PALM2AKAP2: variants seen among roughly 807,000 people sequenced by gnomAD.
The protein encoded by PALM2AKAP2 is PALM2 and AKAP2 fusion, also known as PALM2-AKAP2 fusion protein.
PALM2AKAP2 carries 37 observed loss-of-function variants against 71.5 expected under a neutral mutation model. That is an observed-to-expected ratio of 0.52 (90% CI 0.40 to 0.68). The LOEUF is 0.68. PALM2AKAP2 is among the 30% of genes least tolerant of loss of function. PALM2AKAP2 has a pLI of 0.00. For synonymous variants in PALM2AKAP2, 468 were observed against 478.8 expected, an observed-to-expected ratio of 0.98 and a Z score of 0.29; for missense variants, 1,224 against 1,191.8, an observed-to-expected ratio of 1.03 and a Z score of -0.40.
At chr9:109,857,596 C>A (rs186999452) in intron 1 of PALM2AKAP2, among the ~76,000 whole-genome samples, 356 of 152,274 alleles carry the variant, frequency 2.3e-3, no homozygotes, top group African/African-American at 8.1e-3. Context: ...TTTCATGTGT[C>A]CAGAGTGGAA....
chr9:110,048,156 G>A (rs1224839857), upstream of PALM2AKAP2, among the ~76,000 whole-genome samples: 1 of 152,168 alleles, frequency 6.6e-6, no homozygotes, highest in Non-Finnish European at 1.5e-5. Context: ...GACGCACTTC[G>A]CAACCAGTTC....
At chr9:110,060,573 G>A (rs1359181287) in intron 1 of PALM2AKAP2, among the ~76,000 whole-genome samples, 2 of 151,994 alleles carry the variant, frequency 1.3e-5, no homozygotes, top group Admixed American at 1.3e-4. Flanking sequence ...ACTCTCATGA[G>A]GAAAGAGGGT....
At chr9:109,658,567 C>T (rs1382007906) in intron 1 of PALM2AKAP2, among the ~76,000 whole-genome samples, 1 of 152,138 alleles carries the variant, frequency 6.6e-6, no homozygotes, top group Non-Finnish European at 1.5e-5. Context: ...CACTTACATA[C>T]TGCTGATAAA....
chr9:109,796,046 G>A (rs1006339820), intron 1 of PALM2AKAP2, among the ~76,000 whole-genome samples: 2 of 152,108 alleles, frequency 1.3e-5, no homozygotes, highest in African/African-American at 4.8e-5. Context: ...TCTACTCTCC[G>A]CCTGTCACAA....
intron 6 of PALM2AKAP2, among the ~76,000 whole-genome samples, chr9:109,956,384 C>T (rs753097383): frequency 1.4e-4 from 22 of 152,170 alleles, no homozygotes; most frequent in African/African-American, 3.1e-4. Context: ...ATTAAAAACA[C>T]GAGCTGTGGG....
At chr9:109,851,219 A>C (rs1278071364) in intron 1 of PALM2AKAP2, among the ~76,000 whole-genome samples, 8 of 148,982 alleles carry the variant, frequency 5.4e-5, no homozygotes, top group South Asian at 2.1e-4. Flanking sequence ...CAAAAAAAAA[A>C]AAACACTACC....
At chr9:109,659,252 C>A (rs1259039313) in intron 1 of PALM2AKAP2, among the ~76,000 whole-genome samples, 2 of 152,124 alleles carry the variant, frequency 1.3e-5, no homozygotes, top group East Asian at 3.8e-4. Context: ...ACAATGAATC[C>A]ATTTATAAAG....
intron 2 of PALM2AKAP2, among the ~76,000 whole-genome samples, chr9:110,139,584 G>A (rs7021638): frequency 0.75 from 114,539 of 152,116 alleles, 43,269 homozygotes; most frequent in East Asian, 0.97. Flanking sequence ...TTTAAGAATC[G>A]TTACCCTAAA....
intron 1 of PALM2AKAP2, among the ~76,000 whole-genome samples, chr9:109,671,908 T>A (rs1481513620): frequency 6.6e-6 from 1 of 152,174 alleles, no homozygotes; most frequent in African/African-American, 2.4e-5. Context: ...TGACTGTTGT[T>A]GGTGTATAAA....
intron 1 of PALM2AKAP2, among the ~76,000 whole-genome samples, chr9:109,702,158 T>G (rs1305417619): frequency 1.3e-5 from 2 of 152,084 alleles, no homozygotes; most frequent in African/African-American, 4.8e-5. Context: ...GTAAACTAGT[T>G]CAACCATTGT....
Position 109,932,044 on chromosome 9 carries a change from C to T in PALM2AKAP2, c.496+16C>T, listed in dbSNP as rs1831115856. On this transcript the variant is annotated intron_variant, in intron 6 of 9. Transcript: ENST00000302798. ...AGAGCGGCTGGTAAGTCCTGGGGAC[C>T]TTTGGACGCTAGGATGGTCCAAGGG... The T allele has an allele frequency of 2.5e-6, 4 of 1,607,268 alleles. No individual in the cohort carries two copies. The highest frequency in any genetic ancestry group is 3.4e-6 in the Non-Finnish European group (4 of 1,176,002).
At chr9:109,683,939 T>C (rs1827774250) in intron 1 of PALM2AKAP2, among the ~76,000 whole-genome samples, 2 of 152,170 alleles carry the variant, frequency 1.3e-5, no homozygotes, top group African/African-American at 4.8e-5. Flanking sequence ...TTGAAAAAAA[T>C]GAGATAATGA....
At chr9:109,760,120 C>G (rs1456491084) in intron 1 of PALM2AKAP2, among the ~76,000 whole-genome samples, 1 of 152,108 alleles carries the variant, frequency 6.6e-6, no homozygotes, top group Non-Finnish European at 1.5e-5. Context: ...TTTGCCTATT[C>G]CAGAATGTTG....
intron 1 of PALM2AKAP2, among the ~76,000 whole-genome samples, chr9:109,842,704 A>G (rs1311630870): frequency 2.0e-5 from 3 of 152,194 alleles, no homozygotes; most frequent in Non-Finnish European, 4.4e-5. Context: ...TCTGACAAGA[A>G]GTCGGCCCAA....
chr9:110,068,771 G>T (rs1236188568), intron 1 of PALM2AKAP2, among the ~76,000 whole-genome samples: 1 of 150,558 alleles, frequency 6.6e-6, no homozygotes, highest in African/African-American at 2.5e-5. Flanking sequence ...GGCCTCAAGT[G>T]ATCCTCCTGC....
At chr9:109,926,587 C>T (rs1206250422) in intron 5 of PALM2AKAP2, among the ~76,000 whole-genome samples, 1 of 152,122 alleles carries the variant, frequency 6.6e-6, no homozygotes, top group Non-Finnish European at 1.5e-5. Flanking sequence ...AGGCATGCCA[C>T]ACAATTAGCA....
At chr9:109,880,681 G>C in exon 3 of PALM2AKAP2, 1 of 1,613,630 alleles carries the variant, frequency 6.2e-7, no homozygotes, top group Non-Finnish European at 8.5e-7. Flanking sequence ...AACATTCAGA[G>C]GTAGGTGGCT....
intron 1 of PALM2AKAP2, among the ~76,000 whole-genome samples, chr9:110,116,974 C>T (rs1338395054): frequency 6.6e-6 from 1 of 152,114 alleles, no homozygotes; most frequent in Non-Finnish European, 1.5e-5. Context: ...TGAGCCCTGG[C>T]CGTTTAAAAG....
chr9:109,810,235 C>T (rs1224104533), intron 1 of PALM2AKAP2, among the ~76,000 whole-genome samples: 1 of 152,064 alleles, frequency 6.6e-6, no homozygotes, highest in South Asian at 2.1e-4. Context: ...TTAGATGGTA[C>T]TTCAAGCTAG....
Sources: gnomAD v4.1 joint callset for allele counts (sites outside exome capture counted in the v4.1 genomes callset) on GRCh38, gnomAD v4.1.1 for gene constraint, MANE v1.5 for transcripts, NCBI Gene and HGNC (gene_info 2026-07-23, HGNC 2026-07-21) for gene names.